DLGAP5: variants seen among roughly 807,000 people sequenced by gnomAD.
DLGAP5 encodes the protein DLG associated protein 5.
In DLGAP5, 90 loss-of-function variants were observed where a neutral mutation model predicts 99.6. The observed-to-expected ratio is 0.90, with a 90% CI of 0.76 to 1.08. DLGAP5 has a LOEUF of 1.08. Ranked by LOEUF, DLGAP5 falls within the 50% of genes least tolerant of loss-of-function variation. The pLI is 0.00. For synonymous variants in DLGAP5, 311 were observed against 321.3 expected (o/e 0.97, Z 0.34); for missense variants, 1,036 against 983.5 (o/e 1.05, Z -0.71).
intron 14 of DLGAP5, among the ~76,000 whole-genome samples, chr14:55,156,185 G>GA (rs1460503521): frequency 6.6e-6 from 1 of 152,088 alleles, no homozygotes; most frequent in Non-Finnish European, 1.5e-5. Flanking sequence ...TGCAAGTGGA[G>GA]ATGAAAATGG....
At chr14:55,182,216 C>T (rs1226276797) in intron 4 of DLGAP5, among the ~76,000 whole-genome samples, 154 bp downstream of exon 4, 2 of 152,172 alleles carry the variant, frequency 1.3e-5, no homozygotes, top group African/African-American at 2.4e-5. Context: ...TGAAATTGCT[C>T]TACATCACCA....
rs371437898 is a variant in DLGAP5, at chr14:55,179,948, T to C, written c.704-249A>G. Among the ~76,000 whole-genome samples the C allele has an allele frequency of 3.3e-5, 5 of 152,158 alleles. No homozygotes were observed. The South Asian group carries it at 8.3e-4, about 25-fold the overall frequency. ...ATTGAGTATCCCTTATCCAAAATGC[T>C]TGGGACCAGAGATATTTTAGATTCC... On this transcript the variant is annotated intron_variant, in intron 6 of 18. Transcript: ENST00000247191.
intron 13 of DLGAP5, among the ~76,000 whole-genome samples, chr14:55,159,926 G>A (rs546186955): frequency 7.2e-5 from 11 of 152,330 alleles, no homozygotes; most frequent in Admixed American, 4.6e-4. Context: ...AAGTAGGCCA[G>A]GTACAGTGGC....
chr14:55,186,479 T>G (rs997731757), intron 2 of DLGAP5, among the ~76,000 whole-genome samples: 1 of 152,198 alleles, frequency 6.6e-6, no homozygotes, highest in Non-Finnish European at 1.5e-5. Flanking sequence ...TGAATGTCTT[T>G]TTAAATCTCT....
chr14:55,152,577 G>A lies in DLGAP5; in HGVS notation c.2121+13C>T, dbSNP rs762026550. 2.5e-6 allele frequency: 4 copies of A among 1,593,062 alleles called. No individual in the cohort carries two copies. In the South Asian group the frequency reaches 3.5e-5, roughly 14 times the overall value. ...CATACTGGGCTATCTAACCACACTG[G>A]AATTGTACTTACATGATTTTCTTCA... On this transcript the variant is annotated intron_variant, in intron 16 of 18. Transcript: ENST00000247191.
Position 55,179,709 on chromosome 14 carries a change from C to A in DLGAP5, c.704-10G>T, listed in dbSNP as rs1303471218. On this transcript the variant is annotated splice_polypyrimidine_tract_variant and intron_variant, in intron 6 of 18. Coordinates refer to ENST00000247191, the MANE Select transcript of DLGAP5 (RefSeq NM_014750.5). ...CCTTCTGGTTCGTTTTCTAAAACAA[C>A]AATAAAATATTTATTTTACTAGATA... 6.3e-7 allele frequency: 1 copy of A among 1,596,878 alleles called. No individual in the cohort carries two copies. The highest frequency in any genetic ancestry group is 2.3e-5 in the East Asian group (1 of 44,380).
At chr14:55,165,877 G>C (rs186632794) in intron 12 of DLGAP5, among the ~76,000 whole-genome samples, 4 of 152,230 alleles carry the variant, frequency 2.6e-5, no homozygotes, top group South Asian at 2.1e-4. Context: ...TGCTGATAAG[G>C]GGGGGCTACT....
At chr14:55,178,220 T>C (rs1408102395) in intron 7 of DLGAP5, among the ~76,000 whole-genome samples, 16 of 151,834 alleles carry the variant, frequency 1.1e-4, no homozygotes, top group Admixed American at 8.5e-4. Flanking sequence ...TCACTGCACT[T>C]CAGCCTGGGC....
chr14:55,173,412 T>C (rs1031990428), intron 10 of DLGAP5, among the ~76,000 whole-genome samples: 1 of 151,358 alleles, frequency 6.6e-6, no homozygotes, highest in African/African-American at 2.4e-5. Flanking sequence ...GGCAACAGAG[T>C]GCAACCATTT....
At chr14:55,167,066 C>G (rs1882669327) in intron 12 of DLGAP5, among the ~76,000 whole-genome samples, 1 of 151,800 alleles carries the variant, frequency 6.6e-6, no homozygotes, top group African/African-American at 2.4e-5. Context: ...ACAAGCCTGA[C>G]CAACATGGCG....
intron 2 of DLGAP5, 39 bp downstream of exon 2, chr14:55,188,903 T>C (rs1002296276): frequency 2.0e-6 from 3 of 1,530,056 alleles, no homozygotes; most frequent in Non-Finnish European, 2.7e-6. Flanking sequence ...TATTATTCAC[T>C]CTTCAAAGTA....
At position 55,169,479 on chromosome 14, in the gene DLGAP5, C is replaced by A. The variant is rs780008470; in HGVS notation, c.1468G>T (p.Asp490Tyr). 42 of 1,612,884 alleles carry A rather than the reference C, an allele frequency of 2.6e-5. No individual in the cohort carries two copies. The highest frequency in any genetic ancestry group is 3.6e-5 in the Non-Finnish European group (42 of 1,179,522). ...ATACCTCGTTTATATTCACAATCATCAACCAGTCCTTCAAACTGTTTAAAC... is the reference window on the plus strand; with the variant it reads ...ATACCTCGTTTATATTCACAATCATAAACCAGTCCTTCAAACTGTTTAAAC... Reference protein sequence around the residue: ...ERFKQFEGLVDDCEYKRGIKE... With the variant: ...ERFKQFEGLVYDCEYKRGIKE... The change falls in exon 12 of 19, where the codon GAT (aspartate) becomes TAT (tyrosine). Residue 490 changes from aspartate to tyrosine, a missense_variant. By Grantham distance (160) the Asp-to-Tyr change is radical. Coordinates refer to ENST00000247191, the MANE Select transcript of DLGAP5 (RefSeq NM_014750.5).
intron 1 of DLGAP5, among the ~76,000 whole-genome samples, chr14:55,189,925 CG>C (rs1654233326): frequency 6.6e-6 from 1 of 152,126 alleles, no homozygotes; most frequent in African/African-American, 2.4e-5. Flanking sequence ...TGCCAACTCT[CG>C]AGAAATCCTG....
At position 55,160,597 on chromosome 14, in the gene DLGAP5, G is replaced by A. The variant is rs1420086213; in HGVS notation, c.1654-1856C>T. ...TGAGTAGCTGGGATTACAGGCGCCC[G>A]CCACCATGCCTGGCTAATTTTTTAT... On this transcript the variant is annotated intron_variant, in intron 13 of 18. Coordinates refer to ENST00000247191, the MANE Select transcript of DLGAP5 (RefSeq NM_014750.5). Among the ~76,000 whole-genome samples, 7 of 151,618 alleles carry A rather than the reference G, an allele frequency of 4.6e-5. No individual in the cohort carries two copies. The South Asian group carries it at 6.3e-4, about 14-fold the overall frequency.
intron 12 of DLGAP5, among the ~76,000 whole-genome samples, chr14:55,167,012 T>C (rs543937290): frequency 6.6e-6 from 1 of 151,976 alleles, no homozygotes; most frequent in Non-Finnish European, 1.5e-5. Flanking sequence ...TCCCAGCACT[T>C]TGGGGGCCGA....
At chr14:55,158,790 G>A in intron 13 of DLGAP5, 49 bp from the exon 14 acceptor site, 3 of 1,334,504 alleles carry the variant, frequency 2.2e-6, no homozygotes, top group South Asian at 1.3e-5. Context: ...CATCTTACAA[G>A]AAAAACACAC....
rs1403058527 is a variant in DLGAP5, at chr14:55,175,893, C to A, written c.1174+1G>T. ...ATGAATAAATTAATTAAATACTATA[C>A]CTTCATGCCAAACAGTTAGAGGACC... On this transcript the variant is annotated splice_donor_variant, in intron 9 of 18. Transcript: ENST00000247191. LOFTEE classifies it high-confidence loss of function. 2 of 1,586,082 alleles carry A rather than the reference C, an allele frequency of 1.3e-6. No individual in the cohort carries two copies. The highest frequency in any genetic ancestry group is 1.7e-6 in the Non-Finnish European group (2 of 1,164,872).
chr14:55,148,962 C>G (rs1168351221), intron 18 of DLGAP5, among the ~76,000 whole-genome samples: 1 of 152,096 alleles, frequency 6.6e-6, no homozygotes, highest in Non-Finnish European at 1.5e-5. Flanking sequence ...ACTTAATAGA[C>G]CTTTTAATAC....
intron 17 of DLGAP5, 127 bp from the exon 18 acceptor site, chr14:55,150,975 C>G (rs1881997092): frequency 5.1e-6 from 3 of 585,238 alleles, no homozygotes; most frequent in Non-Finnish European, 8.8e-6. Flanking sequence ...ATATAGACCC[C>G]TATGCTATAA....
Sources: gnomAD v4.1 joint callset for allele counts (sites outside exome capture counted in the v4.1 genomes callset) on GRCh38, gnomAD v4.1.1 for gene constraint, MANE v1.5 for transcripts, NCBI Gene and HGNC (gene_info 2026-07-23, HGNC 2026-07-21) for gene names.